Variants in UBR1 observed in about 807,000 individuals in gnomAD.
UBR1 encodes ubiquitin protein ligase E3 component n-recognin 1, also known as E3 ubiquitin-protein ligase UBR1.
Under a neutral mutation model 242.1 loss-of-function variants are expected in UBR1, and 102 were observed. That is an observed-to-expected ratio of 0.42 (90% confidence interval 0.36 to 0.50). The LOEUF is 0.50. Ranked by LOEUF, UBR1 falls within the 20% of genes least tolerant of loss-of-function variation. The pLI is 0.01. For synonymous variants in UBR1, 675 were observed against 684.8 expected (o/e 0.99, Z 0.22); for missense variants, 1,772 against 2,101.8 (o/e 0.84, Z 3.07).
At chr15:43,088,651 TG>T (rs1264612937) in intron 1 of UBR1, among the ~76,000 whole-genome samples, 1 of 151,918 alleles carries the variant, frequency 6.6e-6, no homozygotes, top group East Asian at 1.9e-4. Flanking sequence ...TTAATACATG[TG>T]GAGGCACATC....
rs1025568625 is a variant in UBR1, at chr15:43,059,809, A to C, written c.878T>G (p.Val293Gly). Reference sequence around the variant, plus strand: ...TTCTACATGAAGTGGATGTTGAGAGACATTTTCTGAATGACTCTACAAATG... The same window carrying C: ...TTCTACATGAAGTGGATGTTGAGAGCCATTTTCTGAATGACTCTACAAATG... ...KEDIKSHSENVSQHPLHVEVL... is the reference protein window; with the variant it reads ...KEDIKSHSENGSQHPLHVEVL... The change falls in exon 8 of 47, where the codon GTC becomes GGC. Residue 293 changes from valine to glycine, a missense_variant. Around this residue, in one of 3 missense-constraint regions of UBR1, gnomAD observed 734 missense variants for 893.3 expected, o/e 0.82. Transcript: ENST00000290650. The C allele has an allele frequency of 6.2e-7, 1 of 1,614,034 alleles. No homozygotes were observed. Among genetic ancestry groups the C allele is most frequent in the Non-Finnish European group, 8.5e-7 (1 of 1,179,930 alleles).
intron 37 of UBR1, among the ~76,000 whole-genome samples, chr15:42,982,560 A>G (rs1391046651): frequency 6.6e-6 from 1 of 152,224 alleles, no homozygotes; most frequent in East Asian, 1.9e-4. Context: ...GCATGGCAGA[A>G]GTTCTAACAA....
intron 17 of UBR1, 66 bp downstream of exon 17, chr15:43,037,707 T>A (rs1399818608): frequency 7.2e-7 from 1 of 1,393,726 alleles, no homozygotes; most frequent in Admixed American, 1.8e-5. Flanking sequence ...CAGGGTAAAA[T>A]CATATAAGAG....
intron 1 of UBR1, among the ~76,000 whole-genome samples, chr15:43,096,856 T>C (rs1455100279): frequency 6.6e-6 from 1 of 152,150 alleles, no homozygotes; most frequent in African/African-American, 2.4e-5. Context: ...TACTAAAGTC[T>C]TGAACCCCTC....
At chr15:42,961,577 C>A (rs1179363971) in intron 42 of UBR1, among the ~76,000 whole-genome samples, 1 of 151,846 alleles carries the variant, frequency 6.6e-6, no homozygotes, top group Non-Finnish European at 1.5e-5. Flanking sequence ...CATGCGCCAC[C>A]ACGCCTGGCT....
chr15:43,040,429 C>T (rs1240364958), intron 15 of UBR1, among the ~76,000 whole-genome samples: 1 of 152,288 alleles, frequency 6.6e-6, no homozygotes, highest in East Asian at 1.9e-4. Context: ...CCCTTCCTTA[C>T]ACCTTATACA....
chr15:43,039,545 C>A (rs1236689141), intron 15 of UBR1, among the ~76,000 whole-genome samples: 1 of 152,162 alleles, frequency 6.6e-6, no homozygotes, highest in African/African-American at 2.4e-5. Flanking sequence ...TGAGACTTTG[C>A]TGAAGTTGCC....
At chr15:43,070,959 G>C in intron 4 of UBR1, 34 bp from the exon 5 acceptor site, 1 of 1,608,904 alleles carries the variant, frequency 6.2e-7, no homozygotes, top group East Asian at 2.2e-5. Context: ...TACTAGTCAA[G>C]ATTGTATACA....
intron 33 of UBR1, among the ~76,000 whole-genome samples, chr15:42,991,703 A>C (rs971869049): frequency 1.3e-5 from 2 of 151,782 alleles, no homozygotes; most frequent in Admixed American, 6.6e-5. Flanking sequence ...CACTGACCTA[A>C]TTTCACATTC....
At position 42,976,829 on chromosome 15, in the gene UBR1, A is replaced by G. The variant is rs200749394; in HGVS notation, c.4257T>C (p.Asp1419=). The G allele has an allele frequency of 1.2e-6, 2 of 1,614,114 alleles. No individual in the cohort carries two copies. Among genetic ancestry groups the G allele is most frequent in the African/African-American group, 2.7e-5 (2 of 75,052 alleles). Residue 1419 remains aspartate, a synonymous_variant, in exon 39 of 47, where the codon GAT becomes GAC. Transcript: ENST00000290650. ...AVLAFPSLYW[D]DPVDLQPSSV... is the part of the protein sequence containing the mutation. ...AAGAAGGCTGCAGATCAACAGGGTCATCCCAATACAAGGATGGGAATGCTA... is the reference window on the plus strand; with the variant it reads ...AAGAAGGCTGCAGATCAACAGGGTCGTCCCAATACAAGGATGGGAATGCTA...
chr15:42,954,662 G>A (rs1027107008), intron 44 of UBR1, among the ~76,000 whole-genome samples: 1 of 152,160 alleles, frequency 6.6e-6, no homozygotes. Context: ...GTGCCTGCAC[G>A]TTGAAGTGAC....
At chr15:42,959,125 C>T (rs539055713) in intron 43 of UBR1, among the ~76,000 whole-genome samples, 3 of 152,240 alleles carry the variant, frequency 2.0e-5, no homozygotes, top group Non-Finnish European at 4.4e-5. Flanking sequence ...GCCACGGCGC[C>T]TGGCCCCAAT....
chr15:43,010,893 G>T (rs1005292198), intron 29 of UBR1, among the ~76,000 whole-genome samples: 2 of 151,528 alleles, frequency 1.3e-5, no homozygotes, highest in African/African-American at 4.9e-5. Context: ...AGGAGGTGGA[G>T]AAGGGAGAAT....
intron 1 of UBR1, among the ~76,000 whole-genome samples, chr15:43,100,981 T>C (rs2034227282): frequency 6.6e-6 from 1 of 152,104 alleles, no homozygotes; most frequent in African/African-American, 2.4e-5. Flanking sequence ...ATGGGAGAAA[T>C]AAACAGGTTG....
intron 29 of UBR1, among the ~76,000 whole-genome samples, chr15:43,012,896 C>CT (rs1408108944): frequency 6.6e-6 from 1 of 152,082 alleles, no homozygotes; most frequent in East Asian, 1.9e-4. Flanking sequence ...CCAAAATTTT[C>CT]TAAAAGTATC....
intron 29 of UBR1, among the ~76,000 whole-genome samples, chr15:43,013,930 G>A (rs1000825579): frequency 3.4e-5 from 5 of 148,470 alleles, no homozygotes; most frequent in South Asian, 4.3e-4. Flanking sequence ...CTCTGATGCC[G>A]AGCTGAAGCT....
At chr15:43,040,765 T>C (rs1567134260) in intron 15 of UBR1, among the ~76,000 whole-genome samples, 1 of 152,152 alleles carries the variant, frequency 6.6e-6, no homozygotes, top group Non-Finnish European at 1.5e-5. Flanking sequence ...CACAACTCCA[T>C]TGAAAAGCAG....
chr15:43,013,440 C>T (rs992442397), intron 29 of UBR1, among the ~76,000 whole-genome samples: 1 of 152,148 alleles, frequency 6.6e-6, no homozygotes, highest in Non-Finnish European at 1.5e-5. Context: ...TTCCAAGGTG[C>T]TATCCATACC....
At chr15:42,981,923 T>A (rs1424856264) in intron 37 of UBR1, among the ~76,000 whole-genome samples, 1 of 152,226 alleles carries the variant, frequency 6.6e-6, no homozygotes, top group Non-Finnish European at 1.5e-5. Flanking sequence ...AATGTTCATA[T>A]GAAAAACTTT....
Sources: gnomAD v4.1 joint callset for allele counts (sites outside exome capture counted in the v4.1 genomes callset) on GRCh38, gnomAD v4.1.1 for gene constraint, gnomAD v4.1.1 regional missense constraint, MANE v1.5 for transcripts, NCBI Gene and HGNC (gene_info 2026-07-23, HGNC 2026-07-21) for gene names.